The following FRYL variants were observed in gnomAD, a reference collection of about 807,000 sequenced individuals.
FRYL encodes the protein FRY like transcription coactivator.
In FRYL, 150 loss-of-function variants were observed where a neutral mutation model predicts 351.2. The ratio of observed to expected loss-of-function variants is 0.43; its 90% CI spans 0.37 to 0.49. The LOEUF (loss-of-function observed/expected upper bound fraction) is 0.49, where lower values mean the gene tolerates loss of function less well. Ranked by LOEUF, FRYL falls within the 20% of genes least tolerant of loss-of-function variation. The pLI is 0.00. For synonymous variants in FRYL, 1,153 were observed against 1,257.1 expected (o/e 0.92, Z 1.75); for missense variants, 3,036 against 3,619.3 (o/e 0.84, Z 4.13).
In FRYL at chr4:48,510,119, A is replaced by G. The variant is rs1722162592; in HGVS notation, c.8334T>C (p.Gly2778=). Residue 2778 remains glycine, a synonymous_variant, in exon 59 of 64, where the codon GGT becomes GGC. Coordinates refer to ENST00000358350, the MANE Select transcript of FRYL (RefSeq NM_015030.2). ...SCGLLETLKF[G]VLELQEHLDT... ...CCAGGTGTTCTTGCAACTCCAAAAC[A>G]CCAAACTTGAGTGTTTCCAGCAAAC... The G allele has an allele frequency of 8.1e-6, 13 of 1,613,662 alleles. No individual in the cohort carries two copies. The highest frequency in any genetic ancestry group is 1.1e-5 in the Non-Finnish European group (13 of 1,179,634).
intron 25 of FRYL, among the ~76,000 whole-genome samples, chr4:48,574,262 A>C (rs1739038274): frequency 6.6e-6 from 1 of 152,172 alleles, no homozygotes; most frequent in South Asian, 2.1e-4. Context: ...GTGTCTCTGA[A>C]TTGTTTCTAA....
At chr4:48,737,051 AGGCG>A (rs1771513409) in intron 1 of FRYL, among the ~76,000 whole-genome samples, 1 of 151,732 alleles carries the variant, frequency 6.6e-6, no homozygotes. Context: ...AGGCTGAGGC[AGGCG>A]GATCATCTGA....
At chr4:48,525,474 T>G (rs1423596011) in intron 53 of FRYL, among the ~76,000 whole-genome samples, 1 of 152,182 alleles carries the variant, frequency 6.6e-6, no homozygotes, top group Non-Finnish European at 1.5e-5. Context: ...GAGGGAACTT[T>G]ACTTCCTCAA....
At chr4:48,522,043 C>T (rs1388528551) in intron 54 of FRYL, among the ~76,000 whole-genome samples, 3 of 152,002 alleles carry the variant, frequency 2.0e-5, no homozygotes, top group East Asian at 1.9e-4. Context: ...TTTGGGAGGC[C>T]GAGGTGGGAG....
chr4:48,672,870 CATGTT>C (rs1762958547), intron 3 of FRYL, among the ~76,000 whole-genome samples: 1 of 152,214 alleles, frequency 6.6e-6, no homozygotes, highest in South Asian at 2.1e-4. Flanking sequence ...AGTGGCCTGT[CATGTT>C]ATTCCTCTAC....
chr4:48,701,355 A>G (rs1024998985), intron 2 of FRYL, among the ~76,000 whole-genome samples: 7 of 152,208 alleles, frequency 4.6e-5, no homozygotes, highest in African/African-American at 1.7e-4. Flanking sequence ...TTTCAGAGAA[A>G]TGATTTCATA....
At chr4:48,532,117 T>C (rs80289595) in intron 49 of FRYL, among the ~76,000 whole-genome samples, 5,579 of 152,274 alleles carry the variant, frequency 0.037, 153 homozygotes, top group Non-Finnish European at 0.06. Context: ...AAAAACTACT[T>C]CTTACTTATG....
intron 3 of FRYL, among the ~76,000 whole-genome samples, chr4:48,650,302 T>C (rs1450656028): frequency 1.3e-5 from 2 of 152,212 alleles, no homozygotes; most frequent in African/African-American, 4.8e-5. Context: ...ATTGCAGCTC[T>C]ACCCAATATC....
chr4:48,623,296 T>C (rs1751053909), intron 4 of FRYL, 117 bp from the exon 5 acceptor site: 4 of 603,926 alleles, frequency 6.6e-6, no homozygotes, highest in Admixed American at 3.8e-5. Context: ...TCGTTTTCAC[T>C]TGTTACTAGA....
chr4:48,659,427 AGAGGAAGAGGAAGAG>A (rs1760051661), intron 3 of FRYL, among the ~76,000 whole-genome samples: 1 of 4,214 alleles, frequency 2.4e-4, no homozygotes. Flanking sequence ...GAGAAGGAGA[AGAGGAAGAGGAAGAG>A]GAAGAGGAAG....
rs191380209 is a variant in FRYL at position 48,634,300 on chromosome 4, G to A, written c.111C>T (p.Ala37=). The change falls in exon 4 of 64, where the codon GCC becomes GCT. Residue 37 remains alanine (A), a synonymous_variant. Coordinates refer to ENST00000358350, the MANE Select transcript of FRYL (RefSeq NM_015030.2). ...GGTCAGCTGTACTCACCAAGGGTTC[G>A]GCCATTACAACTTCAATTTTCTTTT... ...QAEKKIEVVM[A]EPLEKLLSRS... 5.0e-6 allele frequency: 8 copies of A among 1,611,636 alleles called. 1 individual carries two copies. Among genetic ancestry groups the A allele is most frequent in the Admixed American group, 3.3e-5 (2 of 59,936 alleles).
intron 5 of FRYL, among the ~76,000 whole-genome samples, chr4:48,621,998 G>T (rs180822725): frequency 1.7e-3 from 254 of 151,968 alleles, no homozygotes; most frequent in African/African-American, 5.8e-3. Flanking sequence ...TCACTCAGAA[G>T]AAATCCCTTG....
chr4:48,649,128 CCTATAAATA>C (rs903503762), intron 3 of FRYL, among the ~76,000 whole-genome samples: 1 of 152,036 alleles, frequency 6.6e-6, no homozygotes, highest in African/African-American at 2.4e-5. Flanking sequence ...CAATACTAGA[CCTATAAATA>C]CTTCAACAAA....
chr4:48,626,029 A>G (rs1412352908), intron 4 of FRYL, among the ~76,000 whole-genome samples: 3 of 152,074 alleles, frequency 2.0e-5, no homozygotes, highest in African/African-American at 7.2e-5. Context: ...TCATCCTTAA[A>G]CTCAAGGGTT....
chr4:48,711,565 C>T (rs1292120331), intron 1 of FRYL, among the ~76,000 whole-genome samples: 1 of 152,262 alleles, frequency 6.6e-6, no homozygotes, highest in Non-Finnish European at 1.5e-5. Flanking sequence ...AGCCGGGAAG[C>T]TCGAACTGGG....
At chr4:48,697,962 G>C (rs947295920) in intron 2 of FRYL, among the ~76,000 whole-genome samples, 15 of 152,242 alleles carry the variant, frequency 9.9e-5, no homozygotes, top group African/African-American at 3.4e-4. Flanking sequence ...TGATGTTGAG[G>C]CATTTCCACA....
At chr4:48,698,437 G>A (rs1001709581) in intron 2 of FRYL, among the ~76,000 whole-genome samples, 10 of 152,174 alleles carry the variant, frequency 6.6e-5, no homozygotes, top group African/African-American at 1.2e-4. Flanking sequence ...CTCCAAAGCT[G>A]GATGCTATCA....
In FRYL at chr4:48,758,841, T is replaced by A. The variant is rs576615413; in HGVS notation, c.-384+21237A>T. Among the ~76,000 whole-genome samples, 6 of 152,230 alleles carry A rather than the reference T, an allele frequency of 3.9e-5. No individual in the cohort carries two copies. The South Asian group carries it at 6.2e-4, about 16-fold the overall frequency. ...GACTTGGAACCAACCCAAATGTCCA[T>A]CAATGATAGACTGGATTAAGAAAAT... On this transcript the variant is annotated intron_variant, in intron 1 of 63. Coordinates refer to ENST00000358350, the MANE Select transcript of FRYL (RefSeq NM_015030.2).
At chr4:48,728,106 A>G (rs1770290181) in intron 1 of FRYL, among the ~76,000 whole-genome samples, 1 of 152,226 alleles carries the variant, frequency 6.6e-6, no homozygotes. Context: ...AGAAAAGATC[A>G]CAAGGCATAC....
Sources: gnomAD v4.1 joint callset for allele counts (sites outside exome capture counted in the v4.1 genomes callset) on GRCh38, gnomAD v4.1.1 for gene constraint, MANE v1.5 for transcripts, NCBI Gene and HGNC (gene_info 2026-07-23, HGNC 2026-07-21) for gene names.